Variants in DLG2 observed in about 807,000 individuals in gnomAD.
DLG2 encodes discs large MAGUK scaffold protein 2.
Under a neutral mutation model 132.5 loss-of-function variants are expected in DLG2, and 45 were observed. The ratio of observed to expected loss-of-function variants is 0.34; its 90% CI spans 0.27 to 0.44. The LOEUF is 0.44. DLG2 is among the 20% of genes least tolerant of loss of function. The pLI, the probability that DLG2 is intolerant of heterozygous loss-of-function variation, is 1.00. For synonymous variants in DLG2, 424 were observed against 419.6 expected (o/e 1.01, Z -0.13); for missense variants, 1,045 against 1,196.9 (o/e 0.87, Z 1.87).
At chr11:84,002,981 T>G (rs1027942423) in intron 11 of DLG2, among the ~76,000 whole-genome samples, 34 of 152,342 alleles carry the variant, frequency 2.2e-4, no homozygotes, top group African/African-American at 7.7e-4. Context: ...TCAATGCTTT[T>G]AAGAGCACCC....
Position 83,510,830 on chromosome 11 carries a change from GTTTTTTTTTT to G in DLG2, c.2193+21868_2193+21877del, listed in dbSNP as rs566973328. On this transcript the variant is annotated intron_variant, in intron 21 of 27. Coordinates refer to ENST00000376104, the MANE Select transcript of DLG2 (RefSeq NM_001142699.3). ...TGGCTCAAAAGTTTCTGAACCATCC[GTTTTTTTTTT>G]TTTTTTTTTTTGGAAGGGAAAAAGC... 1.3e-3 allele frequency among the ~76,000 whole-genome samples: 115 copies of G among 88,788 alleles called. 1 individual carries two copies. In the East Asian group the frequency reaches 0.027, roughly 21 times the overall value. The allele number at this position is 88,788 out of a possible 152,430, so 58.2% of individuals were successfully genotyped here.
At chr11:85,370,466 T>C (rs1490532147) in intron 3 of DLG2, among the ~76,000 whole-genome samples, 2 of 152,134 alleles carry the variant, frequency 1.3e-5, no homozygotes, top group Non-Finnish European at 1.5e-5. Flanking sequence ...CAAAAAAGGG[T>C]ATTATATGGT....
At chr11:83,564,189 G>A (rs1421408421) in intron 19 of DLG2, among the ~76,000 whole-genome samples, 1 of 151,356 alleles carries the variant, frequency 6.6e-6, no homozygotes, top group Non-Finnish European at 1.5e-5. Flanking sequence ...ATATCCTCTT[G>A]TGACAAGGTA....
rs11603940 is a variant in DLG2 at position 83,615,807 on chromosome 11, C to A, written c.1940+17404G>T. Among the ~76,000 whole-genome samples the A allele has an allele frequency of 1.5e-3, 235 of 152,268 alleles. 1 individual carries two copies. The highest frequency in any genetic ancestry group is 2.6e-3 in the Non-Finnish European group (178 of 68,020). On this transcript the variant is annotated intron_variant, in intron 19 of 27. Coordinates refer to ENST00000376104, the MANE Select transcript of DLG2 (RefSeq NM_001142699.3). Reference sequence around the variant, plus strand: ...AACAGGGACTTTGGTCTTACAACTGCGTGGAATTGAATTCAGCCAACAATT... The same window carrying A: ...AACAGGGACTTTGGTCTTACAACTGAGTGGAATTGAATTCAGCCAACAATT...
intron 4 of DLG2, among the ~76,000 whole-genome samples, chr11:85,186,895 A>G (rs1309443927): frequency 6.6e-6 from 1 of 152,176 alleles, no homozygotes; most frequent in Non-Finnish European, 1.5e-5. Context: ...ACAGTAAGTT[A>G]AGAATATACA....
intron 9 of DLG2, among the ~76,000 whole-genome samples, chr11:84,161,325 A>G (rs549838949): frequency 6.6e-6 from 1 of 152,282 alleles, no homozygotes; most frequent in South Asian, 2.1e-4. Context: ...AAATGGTGAA[A>G]TCAATGATCT....
chr11:85,218,814 C>A (rs1395848775), intron 4 of DLG2, among the ~76,000 whole-genome samples: 1 of 152,184 alleles, frequency 6.6e-6, no homozygotes, highest in African/African-American at 2.4e-5. Context: ...CGAAATCAAC[C>A]CAGGTGCCCA....
At chr11:84,287,338 T>C (rs1346819946) in intron 7 of DLG2, among the ~76,000 whole-genome samples, 1 of 152,106 alleles carries the variant, frequency 6.6e-6, no homozygotes, top group African/African-American at 2.4e-5. Flanking sequence ...ATATCCATTT[T>C]ACAGATATGA....
rs1444458737 is a variant in DLG2, at chr11:83,503,366, CATTTATATATATATATATATATATAT to C, written c.2194-19164_2194-19139del. On this transcript the variant is annotated intron_variant, in intron 21 of 27. Transcript: ENST00000376104. ...ATTTATATATATACACACACACACC[CATTTATATATATATATATATATATAT>C]ATATATATATATATATATATATATA... Among the ~76,000 whole-genome samples the C allele has an allele frequency of 3.2e-3, 150 of 47,092 alleles. 3 individuals are homozygous for C. The highest frequency in any genetic ancestry group is 8.1e-3 in the African/African-American group (147 of 18,132). The allele number at this position is 47,092 out of a possible 152,430, so 30.9% of individuals were successfully genotyped here.
intron 2 of DLG2, among the ~76,000 whole-genome samples, chr11:85,625,989 G>C (rs1005867467): frequency 6.6e-6 from 1 of 152,188 alleles, no homozygotes; most frequent in African/African-American, 2.4e-5. Context: ...AAAAAAACAG[G>C]TGTTTGCCCC....
At chr11:84,805,824 T>C (rs1331400700) in intron 6 of DLG2, among the ~76,000 whole-genome samples, 3 of 152,168 alleles carry the variant, frequency 2.0e-5, no homozygotes, top group African/African-American at 7.2e-5. Flanking sequence ...TTACCAAGTC[T>C]CAGGTATTTC....
chr11:84,425,159 C>T (rs1022209652), intron 7 of DLG2, among the ~76,000 whole-genome samples: 1 of 152,028 alleles, frequency 6.6e-6, no homozygotes, highest in Non-Finnish European at 1.5e-5. Flanking sequence ...TACCAAGGGG[C>T]AAATGAGTAT....
intron 18 of DLG2, among the ~76,000 whole-genome samples, chr11:83,714,294 A>G (rs998840577): frequency 6.6e-6 from 1 of 152,106 alleles, no homozygotes; most frequent in African/African-American, 2.4e-5. Flanking sequence ...GGAAATGGGG[A>G]GAAAAGATAA....
chr11:83,881,606 T>G (rs1334925525), intron 15 of DLG2, among the ~76,000 whole-genome samples: 4 of 152,190 alleles, frequency 2.6e-5, no homozygotes, highest in Non-Finnish European at 5.9e-5. Context: ...GTGTAATAGT[T>G]AGTCCACAAG....
At chr11:84,905,013 T>C (rs935228853) in intron 6 of DLG2, among the ~76,000 whole-genome samples, 4 of 152,146 alleles carry the variant, frequency 2.6e-5, no homozygotes, top group Non-Finnish European at 5.9e-5. Context: ...GTAGCTTGGA[T>C]TATAGGCGTG....
At chr11:85,578,439 A>G (rs2078296247) in intron 3 of DLG2, among the ~76,000 whole-genome samples, 1 of 152,176 alleles carries the variant, frequency 6.6e-6, no homozygotes, top group African/African-American at 2.4e-5. Flanking sequence ...GAAACTCTCA[A>G]CAGAGTGAAC....
chr11:83,676,148 G>A (rs922026845), intron 18 of DLG2, among the ~76,000 whole-genome samples: 30 of 152,236 alleles, frequency 2.0e-4, no homozygotes, highest in African/African-American at 7.2e-4. Flanking sequence ...TCATGTTCAG[G>A]GGTGGATATA....
intron 18 of DLG2, among the ~76,000 whole-genome samples, chr11:83,701,485 A>G (rs1592710476): frequency 2.0e-5 from 3 of 152,124 alleles, no homozygotes; most frequent in Admixed American, 6.5e-5. Flanking sequence ...CTTCAGGTCA[A>G]TCTTTGGGTT....
intron 3 of DLG2, among the ~76,000 whole-genome samples, chr11:85,528,074 C>G (rs2074918863): frequency 6.6e-6 from 1 of 152,112 alleles, no homozygotes; most frequent in Non-Finnish European, 1.5e-5. Context: ...TTTGTAGATT[C>G]TGGATATTAG....
Sources: allele counts gnomAD v4.1 joint callset (sites outside exome capture counted in the v4.1 genomes callset), GRCh38; gene constraint gnomAD v4.1.1; transcripts MANE v1.5; gene names NCBI Gene and HGNC (gene_info 2026-07-23, HGNC 2026-07-21).